TGFBR3: variants seen among roughly 807,000 people sequenced by gnomAD.
TGFBR3 encodes the protein transforming growth factor beta receptor 3, also known as transforming growth factor beta receptor type 3.
A neutral mutation model predicts 87.9 loss-of-function variants in TGFBR3; 46 were observed. The ratio of observed to expected loss-of-function variants is 0.52; its 90% CI spans 0.41 to 0.67. The LOEUF is 0.67. Among genes scored for constraint, TGFBR3 ranks in the 30% least tolerant of loss-of-function variants. The pLI is 0.00. For missense variants in TGFBR3, 866 were observed against 1,041.9 expected (o/e 0.83, Z 2.32); for synonymous variants, 381 against 391.6 (o/e 0.97, Z 0.32).
intron 2 of TGFBR3, among the ~76,000 whole-genome samples, chr1:91,840,001 A>T (rs941471521): frequency 1.1e-4 from 17 of 152,072 alleles, no homozygotes; most frequent in Admixed American, 5.9e-4. Flanking sequence ...ATCTCAAAAT[A>T]AAAAGTTTTT....
intron 4 of TGFBR3, among the ~76,000 whole-genome samples, chr1:91,738,409 GATCCCCCCATGA>G (rs1160850802): frequency 1.3e-5 from 2 of 152,182 alleles, no homozygotes; most frequent in African/African-American, 4.8e-5. Context: ...CATGGGGGCA[GATCCCCCCATGA>G]ATGGCTTAGG....
At chr1:91,711,581 C>A (rs1214925567) in intron 13 of TGFBR3, among the ~76,000 whole-genome samples, 1 of 152,166 alleles carries the variant, frequency 6.6e-6, no homozygotes, top group African/African-American at 2.4e-5. Context: ...TATGGCAGAT[C>A]ACAGAAACAA....
intron 14 of TGFBR3, among the ~76,000 whole-genome samples, chr1:91,699,479 C>T (rs1221430351): frequency 9.0e-6 from 1 of 111,182 alleles, no homozygotes; most frequent in Non-Finnish European, 1.7e-5. Flanking sequence ...GTCTAGTTCT[C>T]AGTCATCTGT....
At chr1:91,817,313 TG>T (rs931797410) in intron 2 of TGFBR3, among the ~76,000 whole-genome samples, 14 of 152,152 alleles carry the variant, frequency 9.2e-5, no homozygotes, top group African/African-American at 3.4e-4. Context: ...TTCAAAAAAA[TG>T]TTAATATTAC....
intron 2 of TGFBR3, among the ~76,000 whole-genome samples, chr1:91,841,619 C>G (rs1482148333): frequency 1.3e-5 from 2 of 151,710 alleles, no homozygotes; most frequent in African/African-American, 4.8e-5. Flanking sequence ...ATGGTGAAAC[C>G]CCATCTCTGC....
intron 5 of TGFBR3, among the ~76,000 whole-genome samples, chr1:91,733,789 C>T (rs1197672993): frequency 1.3e-5 from 2 of 152,152 alleles, no homozygotes. Context: ...GTAATCCCAG[C>T]ACTTTGAGAG....
intron 2 of TGFBR3, among the ~76,000 whole-genome samples, chr1:91,898,455 G>A (rs114730773): frequency 0.042 from 6,382 of 151,274 alleles, 155 homozygotes; most frequent in Non-Finnish European, 0.061. Flanking sequence ...TGTTTTTTTT[G>A]AGATGGAGTC....
At chr1:91,838,259 GAGATTTTGTTAATATAAGTCTATT>G (rs749299461) in intron 2 of TGFBR3, among the ~76,000 whole-genome samples, 2 of 152,140 alleles carry the variant, frequency 1.3e-5, no homozygotes, top group Non-Finnish European at 2.9e-5. Context: ...GGACTCCAAA[GAGATTTTGTTAATATAAGTCTATT>G]AACATTTTCT....
chr1:91,879,050 C>A (rs1020667966), intron 1 of TGFBR3, among the ~76,000 whole-genome samples: 1 of 152,150 alleles, frequency 6.6e-6, no homozygotes, highest in Non-Finnish European at 1.5e-5. Flanking sequence ...GGAAAGATCA[C>A]TTGAGGCCAG....
In TGFBR3 at chr1:91,682,637, C is replaced by T. The variant is rs752837120; in HGVS notation, c.*1102G>A. 1.1e-4 allele frequency: 48 copies of T among 453,260 alleles called. 1 individual carries two copies. Among genetic ancestry groups the T allele is most frequent in the Admixed American group, 3.3e-4 (14 of 42,474 alleles). The allele number at this position is 453,260 out of a possible 1,614,324, so 28.1% of individuals were successfully genotyped here. ...ACTATTCAGATAACCAACTGGAGACCGACAGGATTTGCCATGCATTTGCAT... is the reference window on the plus strand; with the variant it reads ...ACTATTCAGATAACCAACTGGAGACTGACAGGATTTGCCATGCATTTGCAT... On this transcript the variant is annotated 3_prime_UTR_variant, in exon 17 of 17. Coordinates refer to ENST00000212355, the MANE Select transcript of TGFBR3 (RefSeq NM_003243.5).
intron 1 of TGFBR3, among the ~76,000 whole-genome samples, chr1:91,874,299 T>C (rs139909990): frequency 3.1e-4 from 47 of 152,244 alleles, no homozygotes; most frequent in Admixed American, 9.2e-4. Flanking sequence ...AAACAGCACA[T>C]GCAAAGGCCC....
chr1:91,830,670 T>C (rs2101085015), intron 2 of TGFBR3, among the ~76,000 whole-genome samples: 1 of 152,198 alleles, frequency 6.6e-6, no homozygotes, highest in South Asian at 2.1e-4. Flanking sequence ...ACACAAGTGA[T>C]TTCAGGTGGG....
chr1:91,712,604 C>A lies in TGFBR3; in HGVS notation c.1867-62G>T, dbSNP rs932384904. ...TAGCATCTCACTTTCACTTTAGGCA[C>A]AAGGACCATATGCCAAGACAGCCCT... On this transcript the variant is annotated intron_variant, in intron 12 of 16. Transcript: ENST00000212355. 1.0e-5 allele frequency: 16 copies of A among 1,537,696 alleles called. No homozygotes were observed. The Admixed American group carries it at 2.5e-4, about 24-fold the overall frequency.
chr1:91,821,930 C>T (rs1038974536), intron 2 of TGFBR3, among the ~76,000 whole-genome samples: 2 of 152,150 alleles, frequency 1.3e-5, no homozygotes, highest in Non-Finnish European at 2.9e-5. Flanking sequence ...TATCAATTCT[C>T]CTCTGTAAAG....
At chr1:91,741,908 C>T (rs1312734930) in intron 4 of TGFBR3, among the ~76,000 whole-genome samples, 1 of 152,128 alleles carries the variant, frequency 6.6e-6, no homozygotes, top group Non-Finnish European at 1.5e-5. Context: ...AAAAAGTAAA[C>T]ACATGATAAA....
At chr1:91,883,693 C>T (rs1485450537) in intron 1 of TGFBR3, among the ~76,000 whole-genome samples, 1 of 151,232 alleles carries the variant, frequency 6.6e-6, no homozygotes, top group Non-Finnish European at 1.5e-5. Flanking sequence ...GCTGAATCAA[C>T]AGTTGTTAGG....
chr1:91,793,683 G>A (rs1290568934), intron 3 of TGFBR3, among the ~76,000 whole-genome samples: 5 of 151,790 alleles, frequency 3.3e-5, no homozygotes, highest in Non-Finnish European at 5.9e-5. Flanking sequence ...GCATATGCCT[G>A]TAATCCCAGC....
intron 14 of TGFBR3, among the ~76,000 whole-genome samples, chr1:91,699,778 T>C (rs1040459957): frequency 4.6e-5 from 7 of 152,220 alleles, no homozygotes; most frequent in Non-Finnish European, 1.0e-4. Context: ...ATTCCAGAGT[T>C]CTGCCTAGCA....
intron 2 of TGFBR3, among the ~76,000 whole-genome samples, chr1:91,806,289 C>T (rs1175691179): frequency 3.9e-5 from 6 of 152,170 alleles, no homozygotes; most frequent in African/African-American, 1.2e-4. Context: ...TTAGCTGCAA[C>T]ACAGCATTCC....
Sources: allele counts gnomAD v4.1 joint callset (sites outside exome capture counted in the v4.1 genomes callset), GRCh38; gene constraint gnomAD v4.1.1; transcripts MANE v1.5; gene names NCBI Gene and HGNC (gene_info 2026-07-23, HGNC 2026-07-21).